PTPRR: variants seen among roughly 807,000 people sequenced by gnomAD.
PTPRR encodes the protein receptor-type tyrosine-protein phosphatase R.
In PTPRR, 38 loss-of-function variants were observed where a neutral mutation model predicts 77.2. That is an observed-to-expected ratio of 0.49 (90% confidence interval 0.38 to 0.65). The LOEUF (loss-of-function observed/expected upper bound fraction) is 0.65. Ranked by LOEUF, PTPRR falls within the 30% of genes least tolerant of loss-of-function variation. The pLI, the probability that PTPRR is intolerant of heterozygous loss-of-function variation, is 0.00. For synonymous variants in PTPRR, 299 were observed against 283.1 expected, an observed-to-expected ratio of 1.06 and a Z score of -0.57; for missense variants, 744 against 799.2, an observed-to-expected ratio of 0.93 and a Z score of 0.83.
At chr12:70,896,956 G>C (rs1277429158) in intron 1 of PTPRR, among the ~76,000 whole-genome samples, 2 of 151,822 alleles carry the variant, frequency 1.3e-5, no homozygotes, top group Non-Finnish European at 2.9e-5. Context: ...GCTGTGTTCT[G>C]TTCCATTGGT....
chr12:70,732,414 C>T (rs947053636), intron 6 of PTPRR, among the ~76,000 whole-genome samples: 4 of 152,162 alleles, frequency 2.6e-5, no homozygotes, highest in Admixed American at 1.3e-4. Context: ...CCCCTCAGAG[C>T]CCCAGGTGCA....
At chr12:70,739,814 C>T (rs1171625619) in intron 6 of PTPRR, among the ~76,000 whole-genome samples, 7 of 151,912 alleles carry the variant, frequency 4.6e-5, no homozygotes, top group Non-Finnish European at 1.0e-4. Flanking sequence ...GACTAGAGAT[C>T]GGTAGGCTGA....
Position 70,684,701 on chromosome 12 carries a change from T to A in PTPRR, c.1359+3A>T. 1 of 1,554,806 alleles carries A rather than the reference T, an allele frequency of 6.4e-7. No homozygotes were observed. The highest frequency in any genetic ancestry group is 8.8e-7 in the Non-Finnish European group (1 of 1,140,868). On this transcript the variant is annotated splice_donor_region_variant and intron_variant, in intron 9 of 13. Coordinates refer to ENST00000283228, the MANE Select transcript of PTPRR (RefSeq NM_002849.4). ...AGAAAGAAATTTGTACTTATTTACT[T>A]ACCCTAATATAATTAGCATTAATGT...
chr12:70,751,872 A>G (rs985702749), intron 5 of PTPRR, among the ~76,000 whole-genome samples: 1 of 151,728 alleles, frequency 6.6e-6, no homozygotes, highest in Non-Finnish European at 1.5e-5. Flanking sequence ...TAGTGTAGAT[A>G]GTGTAGATTA....
intron 1 of PTPRR, among the ~76,000 whole-genome samples, chr12:70,901,156 G>T (rs1893527417): frequency 6.6e-6 from 1 of 151,298 alleles, no homozygotes; most frequent in Non-Finnish European, 1.5e-5. Context: ...TTGAATTAGG[G>T]ATCCTCAACC....
chr12:70,885,052 T>C (rs1161889595), intron 2 of PTPRR, among the ~76,000 whole-genome samples: 1 of 152,014 alleles, frequency 6.6e-6, no homozygotes, highest in Non-Finnish European at 1.5e-5. Flanking sequence ...TTACTTAAGA[T>C]TTAAGGTCTA....
rs372023430 is a variant in PTPRR, at chr12:70,639,577, T to A, written c.1881-300A>T. On this transcript the variant is annotated intron_variant, in intron 13 of 13. Transcript: ENST00000283228. Reference sequence around the variant, plus strand: ...AATGATCAAGTACTTGGATTTGGCATCAGCCAAGGTGAGTTCAAATCCCTC... The same window carrying A: ...AATGATCAAGTACTTGGATTTGGCAACAGCCAAGGTGAGTTCAAATCCCTC... The A allele has an allele frequency of 6.8e-6, 7 of 1,028,608 alleles. No individual in the cohort carries two copies. In the African/African-American group the frequency reaches 8.5e-5, roughly 12 times the overall value. The allele number at this position is 1,028,608 out of a possible 1,614,324, so 63.7% of individuals were successfully genotyped here. A position where few individuals can be genotyped will look rare whatever the true frequency, so the allele number is the denominator to read the frequency against.
At chr12:70,883,317 G>A (rs1893180719) in intron 2 of PTPRR, among the ~76,000 whole-genome samples, 2 of 152,022 alleles carry the variant, frequency 1.3e-5, no homozygotes, top group African/African-American at 4.8e-5. Context: ...ATAAAAATTA[G>A]AGGGGAAACA....
rs1429466571 is a variant in PTPRR, at chr12:70,814,222, G to A, written c.358-49444C>T. Among the ~76,000 whole-genome samples, 9 of 152,162 alleles carry A rather than the reference G, an allele frequency of 5.9e-5. No homozygotes were observed. The South Asian group carries it at 1.9e-3, about 32-fold the overall frequency. ...TTCCTCATTTGACCTAGAGGGGCAG[G>A]CTGTCCCTGTTTTGGGAATGCCTTG... On this transcript the variant is annotated intron_variant, in intron 2 of 13. Coordinates refer to ENST00000283228, the MANE Select transcript of PTPRR (RefSeq NM_002849.4).
chr12:70,916,443 T>C (rs965728164), intron 1 of PTPRR, among the ~76,000 whole-genome samples: 23 of 152,134 alleles, frequency 1.5e-4, no homozygotes, highest in African/African-American at 4.6e-4. Context: ...GAAAAACAAA[T>C]TCTGGAGTTC....
At chr12:70,715,843 G>A (rs557010018) in intron 6 of PTPRR, among the ~76,000 whole-genome samples, 1 of 152,212 alleles carries the variant, frequency 6.6e-6, no homozygotes, top group Middle Eastern at 3.4e-3. Context: ...TGCAGTTAAT[G>A]CAATTATCAT....
intron 5 of PTPRR, 73 bp downstream of exon 5, chr12:70,754,118 G>C: frequency 7.3e-7 from 1 of 1,372,068 alleles, no homozygotes; most frequent in Non-Finnish European, 1.0e-6. Flanking sequence ...ACATTCATTT[G>C]AATGGCAATG....
intron 2 of PTPRR, among the ~76,000 whole-genome samples, chr12:70,840,469 G>A (rs1002522035): frequency 3.3e-5 from 5 of 152,018 alleles, no homozygotes; most frequent in South Asian, 2.1e-4. Flanking sequence ...CAACACATTC[G>A]CAGTTCCCAG....
chr12:70,697,576 AT>A (rs1252673832), intron 8 of PTPRR, among the ~76,000 whole-genome samples: 7 of 151,138 alleles, frequency 4.6e-5, no homozygotes, highest in South Asian at 2.1e-4. Flanking sequence ...ATGAAGTTCA[AT>A]TTTTTTTTGC....
chr12:70,742,202 G>A (rs1455395000), intron 6 of PTPRR, among the ~76,000 whole-genome samples: 1 of 152,128 alleles, frequency 6.6e-6, no homozygotes, highest in East Asian at 1.9e-4. Context: ...TTAAAACGTA[G>A]AGGAAACCCT....
At chr12:70,901,792 T>G (rs1893539314) in intron 1 of PTPRR, among the ~76,000 whole-genome samples, 1 of 151,748 alleles carries the variant, frequency 6.6e-6, no homozygotes, top group Non-Finnish European at 1.5e-5. Context: ...TTAATTTAAT[T>G]AAGCTTTTGC....
chr12:70,639,401 C>T, intron 13 of PTPRR, 124 bp from the exon 14 acceptor site: 1 of 1,389,612 alleles, frequency 7.2e-7, no homozygotes, highest in South Asian at 1.4e-5. Flanking sequence ...CCTAGTGGTT[C>T]TTTTGTTATC....
In PTPRR at chr12:70,708,047, C is replaced by T. The variant is rs77080373; in HGVS notation, c.1008-6724G>A. Among the ~76,000 whole-genome samples the T allele has an allele frequency of 9.6e-3, 1,457 of 152,130 alleles. 19 individuals carry two copies. Among genetic ancestry groups the T allele is most frequent in the African/African-American group, 0.033 (1,370 of 41,516 alleles). ...TCTCTATGCCTCAAATGTGCTTGCCCCAACACTTTCAGGTTCAATCCTCCA... is the reference window on the plus strand; with the variant it reads ...TCTCTATGCCTCAAATGTGCTTGCCTCAACACTTTCAGGTTCAATCCTCCA... On this transcript the variant is annotated intron_variant, in intron 6 of 13. Transcript: ENST00000283228.
In PTPRR at chr12:70,701,203, T is replaced by C; in HGVS notation, c.1128A>G (p.Arg376=). The change falls in exon 7 of 14, where the codon CGA becomes CGG. Residue 376 remains arginine (R), a synonymous_variant. Coordinates refer to ENST00000283228, the MANE Select transcript of PTPRR (RefSeq NM_002849.4). ...VAMEYLQSAS[R]ILTRSQLRDV... ...CCCTCAGCTGAGACCTTGTGAGAAT[T>C]CGGCTGGCTGACTGCAGATACTCCA... 1 of 1,613,998 alleles carries C rather than the reference T, an allele frequency of 6.2e-7. No individual in the cohort carries two copies. The highest frequency in any genetic ancestry group is 8.5e-7 in the Non-Finnish European group (1 of 1,179,960).
Sources: gnomAD v4.1 joint callset for allele counts (sites outside exome capture counted in the v4.1 genomes callset) on GRCh38, gnomAD v4.1.1 for gene constraint, MANE v1.5 for transcripts, NCBI Gene and HGNC (gene_info 2026-07-23, HGNC 2026-07-21) for gene names.